XG: variants seen among roughly 807,000 people sequenced by gnomAD.
XG encodes glycoprotein Xg.
In XG, 24 loss-of-function variants were observed where a neutral mutation model predicts 25.7. The observed-to-expected ratio is 0.93, with a 90% CI of 0.68 to 1.31. XG has a LOEUF of 1.31. Among genes scored for constraint, XG ranks in the 40% most tolerant of loss-of-function variants. XG has a pLI of 0.00. For missense variants in XG, 181 were observed against 187.6 expected (o/e 0.96, Z 0.21); for synonymous variants, 77 against 69.2 (o/e 1.11, Z -0.56).
At chrX:2,783,652 G>A (rs1490247187) in intron 4 of XG, among the ~76,000 whole-genome samples, 2 of 112,114 alleles carry the variant, frequency 1.8e-5, no homozygotes, top group Non-Finnish European at 3.8e-5. Flanking sequence ...CAGAGACCAA[G>A]ACCCAAGGGA....
chrX:2,797,621 A>C (rs192224164), intron 7 of XG, among the ~76,000 whole-genome samples: 2 of 110,987 alleles, frequency 1.8e-5, no homozygotes, highest in East Asian at 5.7e-4. Flanking sequence ...CCTTTAGGTA[A>C]AAGTAAACAG....
At chrX:2,798,373 T>G (rs751643322) in intron 7 of XG, among the ~76,000 whole-genome samples, 9 of 103,339 alleles carry the variant, frequency 8.7e-5, no homozygotes, top group Non-Finnish European at 2.0e-5. Context: ...TCTTTTCTTT[T>G]TTTTTTTTTT....
intron 4 of XG, among the ~76,000 whole-genome samples, chrX:2,783,381 G>A (rs1479506071): frequency 9.3e-6 from 1 of 107,927 alleles, no homozygotes; most frequent in African/African-American, 3.4e-5. Flanking sequence ...GAGAGAAAGA[G>A]AAAGAGAAAA....
At chrX:2,769,008 G>C (rs1463048165) in intron 1 of XG, among the ~76,000 whole-genome samples, 1 of 152,160 alleles carries the variant, frequency 6.6e-6, no homozygotes, top group Non-Finnish European at 1.5e-5. Flanking sequence ...CAGCTGCTGT[G>C]TGCACCCTGG....
At chrX:2,798,177 T>C (rs776797300) in intron 7 of XG, among the ~76,000 whole-genome samples, 1 of 111,796 alleles carries the variant, frequency 8.9e-6, no homozygotes, top group Non-Finnish European at 1.9e-5. Flanking sequence ...GTTTTTCTCA[T>C]GGAGACCAGG....
In XG at chrX:2,758,994, T is replaced by C. The variant is rs144629974; in HGVS notation, c.61+6659T>C. 6.2e-3 allele frequency among the ~76,000 whole-genome samples: 941 copies of C among 151,464 alleles called. 7 individuals carry two copies. Among genetic ancestry groups the C allele is most frequent in the Admixed American group, 0.013 (203 of 15,122 alleles). Reference sequence around the variant, plus strand: ...TACCTACTTCTCTATCCAACTCTCATCTCTATTACCTATCTATGTATCTAT... The same window carrying C: ...TACCTACTTCTCTATCCAACTCTCACCTCTATTACCTATCTATGTATCTAT... On this transcript the variant is annotated intron_variant, in intron 1 of 10. Coordinates refer to ENST00000644266, the MANE Select transcript of XG (RefSeq NM_001141919.2).
chrX:2,758,697 G>A (rs528966120), intron 1 of XG, among the ~76,000 whole-genome samples: 2 of 152,164 alleles, frequency 1.3e-5, no homozygotes, highest in African/African-American at 2.4e-5. Flanking sequence ...GCATCTAGTG[G>A]GTGGAGCCCA....
intron 1 of XG, among the ~76,000 whole-genome samples, chrX:2,763,108 C>G (rs1228367057): frequency 6.6e-6 from 1 of 152,192 alleles, no homozygotes; most frequent in Non-Finnish European, 1.5e-5. Context: ...CCAGCACCTC[C>G]TGGGTTCAAG....
intron 7 of XG, among the ~76,000 whole-genome samples, chrX:2,801,664 A>G (rs1208308065): frequency 9.0e-6 from 1 of 111,592 alleles, no homozygotes; most frequent in African/African-American, 3.3e-5. Flanking sequence ...CACCCATGTA[A>G]GCTCCTAGCT....
At chrX:2,763,437 T>C (rs907829383) in intron 1 of XG, among the ~76,000 whole-genome samples, 21 of 149,142 alleles carry the variant, frequency 1.4e-4, no homozygotes, top group African/African-American at 4.9e-4. Flanking sequence ...GAATTCTCAT[T>C]ACAAATGTTT....
At chrX:2,770,030 G>A (rs2050781226) in intron 1 of XG, among the ~76,000 whole-genome samples, 1 of 142,160 alleles carries the variant, frequency 7.0e-6, no homozygotes, top group Non-Finnish European at 1.5e-5. Context: ...GGGGTGGGGG[G>A]GGCGTTGGGG....
chrX:2,775,054 C>T, intron 3 of XG: 1 of 384,118 alleles, frequency 2.6e-6, no homozygotes, highest in African/African-American at 2.0e-5. Flanking sequence ...CCACTGTGAA[C>T]AAATGCTTTG....
intron 4 of XG, among the ~76,000 whole-genome samples, chrX:2,784,569 CA>C (rs71866753): frequency 9.2e-4 from 49 of 53,201 alleles, no homozygotes; most frequent in South Asian, 3.3e-3. Context: ...GACTCCGTCT[CA>C]AAAAAAAAAA....
chrX:2,790,424 C>T lies in XG; in HGVS notation c.253+718C>T, dbSNP rs189851466. Among the ~76,000 whole-genome samples, 588 of 108,047 alleles carry T rather than the reference C, an allele frequency of 5.4e-3. 5 individuals are homozygous for T. The highest frequency in any genetic ancestry group is 0.018 in the African/African-American group (522 of 29,627). The allele number at this position is 108,047 out of a possible 115,157, so 93.8% of individuals were successfully genotyped here. A position where few individuals can be genotyped will look rare whatever the true frequency, so the allele number is the denominator to read the frequency against. On this transcript the variant is annotated intron_variant, in intron 5 of 10. Coordinates refer to ENST00000644266, the MANE Select transcript of XG (RefSeq NM_001141919.2). ...ATGAAGCAGGAGAATCGCTTGAACC[C>T]GCAAAGCGGAGGCTGCTGTGAGTTG...
At chrX:2,758,717 G>C (rs1463036798) in intron 1 of XG, among the ~76,000 whole-genome samples, 1 of 152,166 alleles carries the variant, frequency 6.6e-6, no homozygotes, top group African/African-American at 2.4e-5. Flanking sequence ...AGGGATGCTG[G>C]TCAACACCCT....
intron 1 of XG, among the ~76,000 whole-genome samples, chrX:2,767,028 A>C (rs2050714785): frequency 6.6e-6 from 1 of 151,822 alleles, no homozygotes; most frequent in East Asian, 1.9e-4. Flanking sequence ...ACTCAGAGAC[A>C]TGGGGGCTGG....
chrX:2,801,734 A>G (rs985524096), intron 7 of XG, among the ~76,000 whole-genome samples: 3 of 109,523 alleles, frequency 2.7e-5, no homozygotes, highest in African/African-American at 1.0e-4. Flanking sequence ...TTTGAGACGG[A>G]GTCTCGCTCT....
At chrX:2,770,036 T>TGGGG (rs1556363415) in intron 1 of XG, among the ~76,000 whole-genome samples, 1 of 43,332 alleles carries the variant, frequency 2.3e-5, no homozygotes, top group Non-Finnish European at 4.8e-5. Context: ...GGGGGGGCGT[T>TGGGG]GGGGGGCGGG....
In XG at chrX:2,775,192, C is replaced by G. The variant is rs774699921; in HGVS notation, c.127+453C>G. 6.6e-5 allele frequency among the ~76,000 whole-genome samples: 10 copies of G among 152,250 alleles called. No individual in the cohort carries two copies. In the East Asian group the frequency reaches 1.7e-3, roughly 26 times the overall value. On this transcript the variant is annotated intron_variant, in intron 3 of 10. Transcript: ENST00000644266. Reference sequence around the variant, plus strand: ...GTGTACACAAATGTTCAGAGCAGCACTATTCATTATAGCTAAAAGATAGAA... The same window carrying G: ...GTGTACACAAATGTTCAGAGCAGCAGTATTCATTATAGCTAAAAGATAGAA...
Sources: gnomAD v4.1 joint callset for allele counts (sites outside exome capture counted in the v4.1 genomes callset) on GRCh38, gnomAD v4.1.1 for gene constraint, MANE v1.5 for transcripts, NCBI Gene and HGNC (gene_info 2026-07-23, HGNC 2026-07-21) for gene names.